TAF15: variants seen among roughly 807,000 people sequenced by gnomAD.
The protein encoded by TAF15 is TATA-box binding protein associated factor 15.
A neutral mutation model predicts 102.5 loss-of-function variants in TAF15; 37 were observed. The ratio of observed to expected loss-of-function variants is 0.36; its 90% CI spans 0.28 to 0.47. TAF15 has a LOEUF of 0.47. TAF15 is among the 20% of genes least tolerant of loss of function. TAF15 has a pLI of 0.99. For synonymous variants in TAF15, 273 were observed against 259.2 expected, an observed-to-expected ratio of 1.05 and a Z score of -0.51; for missense variants, 652 against 760.7, an observed-to-expected ratio of 0.86 and a Z score of 1.68.
intron 11 of TAF15, among the ~76,000 whole-genome samples, chr17:35,839,907 T>A (rs2087523154): frequency 6.6e-6 from 1 of 152,150 alleles, no homozygotes; most frequent in African/African-American, 2.4e-5. Context: ...TGCACCCTAA[T>A]TTAACAGTAA....
chr17:35,823,107 G>A lies in TAF15; in HGVS notation c.484+274G>A, dbSNP rs4251747. Among the ~76,000 whole-genome samples the A allele has an allele frequency of 5.8e-3, 876 of 152,240 alleles. 11 individuals are homozygous for A. Among genetic ancestry groups the A allele is most frequent in the African/African-American group, 0.019 (807 of 41,540 alleles). ...ATCCTTGACAATACTGCTGGTACCA[G>A]TTCTTTTGGTGTTGGTGTTGTACTT... On this transcript the variant is annotated intron_variant, in intron 6 of 15. Coordinates refer to ENST00000605844, the MANE Select transcript of TAF15 (RefSeq NM_139215.3).
intron 7 of TAF15, among the ~76,000 whole-genome samples, chr17:35,831,971 G>T (rs935906369): frequency 6.6e-6 from 1 of 152,076 alleles, no homozygotes; most frequent in Non-Finnish European, 1.5e-5. Flanking sequence ...CCAGCTACTC[G>T]GGAGGCTGAG....
chr17:35,811,672 C>CA (rs1430136644), intron 1 of TAF15: 1 of 152,038 alleles, frequency 6.6e-6, no homozygotes, highest in African/African-American at 2.4e-5. Context: ...TCAACCACTC[C>CA]AAAAAACCTA....
At chr17:35,831,879 GAGACCATCCTGGCCAACAC>G (rs1332075927) in intron 7 of TAF15, among the ~76,000 whole-genome samples, 1 of 151,876 alleles carries the variant, frequency 6.6e-6, no homozygotes, top group East Asian at 1.9e-4. Flanking sequence ...TCAGGAGATC[GAGACCATCCTGGCCAACAC>G]AGTGAAACCC....
chr17:35,830,583 A>G (rs2143792280), intron 7 of TAF15, among the ~76,000 whole-genome samples: 1 of 152,358 alleles, frequency 6.6e-6, no homozygotes, highest in East Asian at 1.9e-4. Flanking sequence ...GTTAATATCT[A>G]ATAGTACTAC....
At chr17:35,811,125 A>G (rs1333610215) in intron 1 of TAF15, 8 of 152,220 alleles carry the variant, frequency 5.3e-5, no homozygotes, top group African/African-American at 1.9e-4. Flanking sequence ...AAATTTACCA[A>G]GTTTTAATGG....
At chr17:35,838,315 G>A (rs963518477) in intron 10 of TAF15, 109 bp from the exon 11 acceptor site, 6 of 1,421,994 alleles carry the variant, frequency 4.2e-6, no homozygotes, top group Non-Finnish European at 5.8e-6. Flanking sequence ...GTATTTTATA[G>A]TATGAATGTG....
chr17:35,836,465 C>T (rs1351274443), intron 10 of TAF15, among the ~76,000 whole-genome samples: 2 of 152,098 alleles, frequency 1.3e-5, no homozygotes, highest in African/African-American at 4.8e-5. Context: ...CTTTAGCTTC[C>T]ATCTTAGGAC....
At chr17:35,824,756 ATT>A (rs1185924853) in intron 7 of TAF15, among the ~76,000 whole-genome samples, 1 of 152,122 alleles carries the variant, frequency 6.6e-6, no homozygotes, top group Non-Finnish European at 1.5e-5. Context: ...AGTAATGTGT[ATT>A]TTGTCTTGAC....
At chr17:35,815,036 A>G (rs1014257635) in intron 1 of TAF15, among the ~76,000 whole-genome samples, 2 of 152,240 alleles carry the variant, frequency 1.3e-5, no homozygotes, top group African/African-American at 4.8e-5. Flanking sequence ...GATACAACTA[A>G]TGAGCATAAT....
chr17:35,819,495 G>A (rs569083487), intron 2 of TAF15, among the ~76,000 whole-genome samples: 1 of 152,260 alleles, frequency 6.6e-6, no homozygotes, highest in South Asian at 2.1e-4. Context: ...CTGTACTGTG[G>A]GGATAAACAT....
At chr17:35,836,504 T>G (rs1339868324) in intron 10 of TAF15, among the ~76,000 whole-genome samples, 1 of 152,346 alleles carries the variant, frequency 6.6e-6, no homozygotes, top group African/African-American at 2.4e-5. Flanking sequence ...TTAGTTCTTA[T>G]AACTGTGAGA....
chr17:35,828,670 G>T (rs552491705), intron 7 of TAF15, among the ~76,000 whole-genome samples: 2 of 151,908 alleles, frequency 1.3e-5, no homozygotes, highest in Non-Finnish European at 2.9e-5. Context: ...GTTCAAGGCT[G>T]CAGTGAGCTA....
chr17:35,842,345 A>G, intron 11 of TAF15, 22 bp from the exon 12 acceptor site: 1 of 1,596,674 alleles, frequency 6.3e-7, no homozygotes, highest in Non-Finnish European at 8.6e-7. Context: ...CATTGCTTCA[A>G]AGCTGATTTC....
intron 7 of TAF15, 107 bp from the exon 8 acceptor site, chr17:35,833,800 T>G: frequency 9.0e-7 from 1 of 1,115,348 alleles, no homozygotes; most frequent in South Asian, 1.3e-5. Context: ...GAGGTGCTAC[T>G]GTTTTCCTAA....
At chr17:35,810,456 G>A (rs2087112126) in intron 1 of TAF15, 1 of 152,228 alleles carries the variant, frequency 6.6e-6, no homozygotes. Context: ...AGAATAAAAA[G>A]TCTAGAACAT....
At chr17:35,826,756 T>A (rs1392395285) in intron 7 of TAF15, among the ~76,000 whole-genome samples, 1 of 146,862 alleles carries the variant, frequency 6.8e-6, no homozygotes, top group East Asian at 2.0e-4. Flanking sequence ...TAAGTAGTGA[T>A]GGGGTTTCAC....
At position 35,833,780 on chromosome 17, in the gene TAF15, T is replaced by C. The variant is rs1414987712; in HGVS notation, c.606-127T>C. ...TAGAACTCTGTGAAATGGAATTTAC[T>C]GAAAACTTAGAGGTGCTACTGTTTT... On this transcript the variant is annotated intron_variant, in intron 7 of 15. Transcript: ENST00000605844. 5.8e-6 allele frequency: 5 copies of C among 860,252 alleles called. No homozygotes were observed. In the African/African-American group the frequency reaches 6.7e-5, roughly 12 times the overall value. The allele number at this position is 860,252 out of a possible 1,614,324, so 53.3% of individuals were successfully genotyped here. A position where few individuals can be genotyped will look rare whatever the true frequency, so the allele number is the denominator to read the frequency against.
At position 35,809,510 on chromosome 17, in the gene TAF15, T is replaced by A; in HGVS notation, c.-60T>A. The A allele has an allele frequency of 6.2e-7, 1 of 1,610,748 alleles. No homozygotes were observed. The highest frequency in any genetic ancestry group is 1.1e-5 in the South Asian group (1 of 90,974). On this transcript the variant is annotated 5_prime_UTR_variant, in exon 1 of 16. Transcript: ENST00000605844. The stretch of plus-strand genomic sequence containing the variant: ...GTACAGCTCCGGCCGCCGCGCCGCC[T>A]GGCTTTCGTATTCGTTGTTCTCGGC...
Sources: gnomAD v4.1 joint callset for allele counts (sites outside exome capture counted in the v4.1 genomes callset) on GRCh38, gnomAD v4.1.1 for gene constraint, MANE v1.5 for transcripts, NCBI Gene and HGNC (gene_info 2026-07-23, HGNC 2026-07-21) for gene names.